Variants in VPS13D observed in about 807,000 individuals in gnomAD.
VPS13D encodes intermembrane lipid transfer protein VPS13D.
In VPS13D, 187 loss-of-function variants were observed where a neutral mutation model predicts 461.9. The observed-to-expected ratio is 0.40, with a 90% CI of 0.36 to 0.46. The LOEUF (loss-of-function observed/expected upper bound fraction) is 0.46. Among genes scored for constraint, VPS13D ranks in the 20% least tolerant of loss-of-function variants. The pLI is 0.60. For synonymous variants in VPS13D, 1,951 were observed against 1,986.3 expected, an observed-to-expected ratio of 0.98 and a Z score of 0.47; for missense variants, 4,711 against 5,364.9, an observed-to-expected ratio of 0.88 and a Z score of 3.81.
In VPS13D at chr1:12,349,237, A is replaced by G. The variant is rs1322578249; in HGVS notation, c.9294A>G (p.Leu3098=). 1.2e-6 allele frequency: 2 copies of G among 1,614,160 alleles called. No homozygotes were observed. Among genetic ancestry groups the G allele is most frequent in the Admixed American group, 1.7e-5 (1 of 60,026 alleles). Residue 3098 remains leucine (L), a synonymous_variant, in exon 46 of 70, where the codon CTA becomes CTG. Transcript: ENST00000620676. ...CTTTACACCTCACTTCTTGGCGGCT[A>G]CAGGCCCGGCCCAAAGGATTGGGTG... ...AVPLHLTSWR[L]QARPKGLGVF...
chr1:12,283,757 C>G (rs755201178), intron 21 of VPS13D, 21 bp downstream of exon 21: 11 of 1,573,952 alleles, frequency 7.0e-6, no homozygotes, highest in Non-Finnish European at 7.8e-6. Flanking sequence ...TTCCCTTTGG[C>G]TCCCTTAAGC....
At chr1:12,285,832 G>C (rs1641949468) in intron 21 of VPS13D, among the ~76,000 whole-genome samples, 1 of 152,064 alleles carries the variant, frequency 6.6e-6, no homozygotes, top group South Asian at 2.1e-4. Context: ...TATTCTGTTG[G>C]TCTCTATAAT....
chr1:12,356,777 A>G (rs1354566088), intron 49 of VPS13D, among the ~76,000 whole-genome samples: 2 of 152,172 alleles, frequency 1.3e-5, no homozygotes, highest in South Asian at 2.1e-4. Context: ...TAGTTTTCCT[A>G]TTCATAACTC....
At chr1:12,422,577 C>T (rs1644877139) in intron 65 of VPS13D, among the ~76,000 whole-genome samples, 1 of 152,160 alleles carries the variant, frequency 6.6e-6, no homozygotes, top group Non-Finnish European at 1.5e-5. Flanking sequence ...TAGATGATTT[C>T]TTGGTACAAA....
rs771838094 is a variant in VPS13D at position 12,507,378 on chromosome 1, G to A, written c.13035+285G>A. ...AGTGAGGGTAACAATACTTACTCTC[G>A]TTGGTGATAAGGAACAGCTAACACA... On this transcript the variant is annotated intron_variant, in intron 69 of 69. Transcript: ENST00000620676. This position sits in a 1 kb window ranked among gnomAD's most constrained non-coding sequence, Gnocchi z 5.3. The A allele has an allele frequency of 1.1e-4, 72 of 643,576 alleles. No individual in the cohort carries two copies. The highest frequency in any genetic ancestry group is 3.6e-4 in the Middle Eastern group (1 of 2,766). The allele number at this position is 643,576 out of a possible 1,614,324, so 39.9% of individuals were successfully genotyped here. A position where few individuals can be genotyped will look rare whatever the true frequency, so the allele number is the denominator to read the frequency against.
chr1:12,320,056 T>C (rs1206260981), intron 32 of VPS13D, among the ~76,000 whole-genome samples: 1 of 152,212 alleles, frequency 6.6e-6, no homozygotes, highest in Non-Finnish European at 1.5e-5. Context: ...AAGGGAAACC[T>C]ATTTATACAG....
intron 21 of VPS13D, among the ~76,000 whole-genome samples, chr1:12,286,098 G>A (rs751053488): frequency 2.2e-5 from 3 of 135,170 alleles, no homozygotes; most frequent in Admixed American, 1.7e-4. Context: ...CCTTCTTTTC[G>A]AAGGAGTCTT....
intron 65 of VPS13D, among the ~76,000 whole-genome samples, chr1:12,445,375 A>G (rs921137491): frequency 6.6e-6 from 1 of 152,252 alleles, no homozygotes; most frequent in Non-Finnish European, 1.5e-5. Flanking sequence ...ACCTTTGGAA[A>G]GGGCAGATGT....
At chr1:12,253,912 G>A (rs913926538) in intron 7 of VPS13D, 86 bp downstream of exon 7, 9 of 1,029,920 alleles carry the variant, frequency 8.7e-6, no homozygotes, top group African/African-American at 1.6e-5. Flanking sequence ...TTTGTCTCTT[G>A]CCTCTCTGAT....
chr1:12,469,698 C>T (rs531201052), intron 67 of VPS13D, among the ~76,000 whole-genome samples: 2 of 152,338 alleles, frequency 1.3e-5, no homozygotes, highest in South Asian at 4.1e-4. Context: ...CTGGTTTGCT[C>T]CTGACTTTTA....
chr1:12,388,928 C>T (rs1405028683), intron 60 of VPS13D, among the ~76,000 whole-genome samples: 1 of 152,152 alleles, frequency 6.6e-6, no homozygotes, highest in Non-Finnish European at 1.5e-5. Context: ...GAATAGATTT[C>T]AAAGTAAAGA....
At chr1:12,477,784 C>T (rs1158542527) in intron 67 of VPS13D, among the ~76,000 whole-genome samples, 1 of 151,994 alleles carries the variant, frequency 6.6e-6, no homozygotes, top group African/African-American at 2.4e-5. Flanking sequence ...AGCCAAAGAC[C>T]GAAAAATAAA....
In VPS13D at chr1:12,471,587, C is replaced by T. The variant is rs149871785; in HGVS notation, c.12662+11191C>T. Among the ~76,000 whole-genome samples, 658 of 152,302 alleles carry T rather than the reference C, an allele frequency of 4.3e-3. 5 individuals carry two copies. The highest frequency in any genetic ancestry group is 0.014 in the African/African-American group (588 of 41,570). Reference sequence around the variant, plus strand: ...AAATAAACCAACTGCTATTTCTTGACATCATTTGACTTCATGTTGTTATAC... The same window carrying T: ...AAATAAACCAACTGCTATTTCTTGATATCATTTGACTTCATGTTGTTATAC... On this transcript the variant is annotated intron_variant, in intron 67 of 69. Coordinates refer to ENST00000620676, the MANE Select transcript of VPS13D (RefSeq NM_015378.4).
chr1:12,347,372 G>A (rs1039604458), intron 44 of VPS13D, among the ~76,000 whole-genome samples: 9 of 152,176 alleles, frequency 5.9e-5, no homozygotes, highest in South Asian at 4.2e-4. Flanking sequence ...GGGTTTCACC[G>A]TGTTAGCCAG....
At chr1:12,421,686 A>T (rs1644865228) in intron 65 of VPS13D, among the ~76,000 whole-genome samples, 1 of 152,244 alleles carries the variant, frequency 6.6e-6, no homozygotes, top group African/African-American at 2.4e-5. Context: ...GCCCCTGTAG[A>T]AACTGTGTTT....
rs145883083 is a variant in VPS13D at position 12,303,626 on chromosome 1, G to A, written c.6217-880G>A. Among the ~76,000 whole-genome samples, 9 of 152,322 alleles carry A rather than the reference G, an allele frequency of 5.9e-5. No individual in the cohort carries two copies. In the East Asian group the frequency reaches 9.6e-4, roughly 16 times the overall value. Reference sequence around the variant, plus strand: ...TTACTACTTGAGAGAACTGTGAAAGGGAGCAGTGTTTTTGTATTCTTTTCC... The same window carrying A: ...TTACTACTTGAGAGAACTGTGAAAGAGAGCAGTGTTTTTGTATTCTTTTCC... On this transcript the variant is annotated intron_variant, in intron 25 of 69. Transcript: ENST00000620676.
chr1:12,459,183 C>A (rs1395614355), intron 66 of VPS13D, among the ~76,000 whole-genome samples: 1 of 152,140 alleles, frequency 6.6e-6, no homozygotes, highest in Admixed American at 6.5e-5. Context: ...AAAGATTTCA[C>A]GAAGTGCCAG....
intron 54 of VPS13D, among the ~76,000 whole-genome samples, chr1:12,373,264 G>A (rs1177312868): frequency 6.6e-6 from 1 of 151,620 alleles, no homozygotes; most frequent in Non-Finnish European, 1.5e-5. Flanking sequence ...GGGATTACAG[G>A]GGCCTGCCTC....
At chr1:12,402,761 G>A (rs1644597125) in intron 62 of VPS13D, 1 of 152,152 alleles carries the variant, frequency 6.6e-6, no homozygotes, top group African/African-American at 2.4e-5. Context: ...GATTCGACAT[G>A]CTTTTCTTGT....
Sources: gnomAD v4.1 joint callset for allele counts (sites outside exome capture counted in the v4.1 genomes callset) on GRCh38, gnomAD v4.1.1 for gene constraint, Gnocchi (gnomAD v3.1) non-coding constraint, MANE v1.5 for transcripts, NCBI Gene and HGNC (gene_info 2026-07-23, HGNC 2026-07-21) for gene names.